Variants in WIZ observed in about 807,000 individuals in gnomAD.
WIZ encodes protein Wiz.
A neutral mutation model predicts 140.2 loss-of-function variants in WIZ; 25 were observed. That is an observed-to-expected ratio of 0.18 (90% confidence interval 0.13 to 0.25). The LOEUF (loss-of-function observed/expected upper bound fraction) is 0.25. WIZ is among the 10% of genes least tolerant of loss of function. The pLI is 1.00. For missense variants in WIZ, 2,231 were observed against 2,632.6 expected, an observed-to-expected ratio of 0.85 and a Z score of 3.34; for synonymous variants, 1,125 against 1,154.3, an observed-to-expected ratio of 0.97 and a Z score of 0.51.
Position 15,424,212 on chromosome 19 carries a change from G to A in WIZ, c.5481C>T (p.Phe1827=), listed in dbSNP as rs747864855. 13 of 1,565,708 alleles carry A rather than the reference G, an allele frequency of 8.3e-6. No homozygotes were observed. In the Admixed American group the frequency reaches 1.4e-4, roughly 16 times the overall value. Residue 1827 remains phenylalanine (F), a synonymous_variant, in exon 12 of 13, where the codon TTC becomes TTT. Transcript: ENST00000673675. The surrounding 1 kb of genome is among the most constrained non-coding windows in gnomAD (Gnocchi z 9.7). ...PRPPQTSLVK[F]VGNIYTLKCR... is the part of the protein sequence containing the mutation. ...ATTTGAGGGTGTAGATGTTGCCCAC[G>A]AACTTGACAAGTGATGTCTGGGGGG...
At chr19:15,441,686 T>C (rs1456996583) in intron 3 of WIZ, among the ~76,000 whole-genome samples, 1 of 152,200 alleles carries the variant, frequency 6.6e-6, no homozygotes, top group African/African-American at 2.4e-5. Context: ...TGTGGAAATG[T>C]TCCATTCAGA....
chr19:15,448,613 G>T (rs1269590468), intron 1 of WIZ, among the ~76,000 whole-genome samples: 1 of 151,916 alleles, frequency 6.6e-6, no homozygotes, highest in African/African-American at 2.4e-5. Flanking sequence ...CACTGCCTCA[G>T]TTTACCCATA....
At chr19:15,430,773 A>G (rs1224133276) in intron 6 of WIZ, among the ~76,000 whole-genome samples, 1 of 152,118 alleles carries the variant, frequency 6.6e-6, no homozygotes, top group Non-Finnish European at 1.5e-5. Context: ...GGACCACCAC[A>G]CCCACTGCTT....
At chr19:15,426,295 G>A (rs1403995681) in intron 9 of WIZ, among the ~76,000 whole-genome samples, 1 of 152,144 alleles carries the variant, frequency 6.6e-6, no homozygotes. Flanking sequence ...AGCCTGGGCT[G>A]CCCTCACCTG....
chr19:15,430,681 C>G (rs113889400), intron 6 of WIZ, among the ~76,000 whole-genome samples: 282 of 152,304 alleles, frequency 1.9e-3, no homozygotes, highest in African/African-American at 6.6e-3. Flanking sequence ...GATCAACAGA[C>G]GAAGAAATGG....
In WIZ at chr19:15,431,095, A is replaced by C. The variant is rs967458117; in HGVS notation, c.2828T>G (p.Leu943Arg). 3.3e-5 allele frequency: 50 copies of C among 1,535,808 alleles called. No individual in the cohort carries two copies. Among genetic ancestry groups the C allele is most frequent in the Non-Finnish European group, 4.2e-5 (48 of 1,146,828 alleles). The change falls in exon 6 of 13, where the codon CTG becomes CGG. Residue 943 changes from leucine to arginine, a missense_variant. Around this residue, in one of 15 missense-constraint regions of WIZ, gnomAD observed 137 missense variants for 135.8 expected, o/e 1.01. Coordinates refer to ENST00000673675, the MANE Select transcript of WIZ (RefSeq NM_001371589.1). ...PKKSLPVPGA[L>R]EQVASRLSSK... ...GCTCAGCCGACTGGCCACCTGCTCC[A>C]GGGCCCCAGGGACAGGCAGGCTCTT...
At position 15,424,758 on chromosome 19, in the gene WIZ, G is replaced by A. The variant is rs763850273; in HGVS notation, c.5169C>T (p.Pro1723=). The A allele has an allele frequency of 5.1e-6, 8 of 1,573,642 alleles. No homozygotes were observed. The highest frequency in any genetic ancestry group is 1.9e-4 in the Middle Eastern group (1 of 5,352). ...TGCGGCCGACCACGGCCAGGCCCCC[G>A]GGTGCCAGCCCCAGGGACGGCCGCT... ...SDKRPSLGLA[P]GGLAVVGRSA... is the part of the protein sequence containing the mutation. The change falls in exon 11 of 13, where the codon CCC becomes CCT. Residue 1723 remains proline (P), a synonymous_variant. Transcript: ENST00000673675. The surrounding 1 kb of genome is among the most constrained non-coding windows in gnomAD (Gnocchi z 9.7).
chr19:15,430,429 A>G (rs1885945418), intron 6 of WIZ, among the ~76,000 whole-genome samples: 1 of 152,168 alleles, frequency 6.6e-6, no homozygotes, highest in Admixed American at 6.5e-5. Flanking sequence ...CTGACCTGAC[A>G]GCCACATGCC....
In WIZ at chr19:15,425,286, G is replaced by T. The variant is rs1223831735; in HGVS notation, c.4849C>A (p.Leu1617Met). ...TGAAGGGTCTTTGCCTTGAAGGGCA[G>T]TTCAGTCTGGATGTAGGTCTTGGCC... Reference protein sequence around the residue: ...VKAKTYIQTELPFKAKTLHEK... With the variant: ...VKAKTYIQTEMPFKAKTLHEK... Residue 1617 changes from leucine to methionine, a missense_variant, in exon 10 of 13, where the codon CTG becomes ATG. Physicochemically the swap from Leu to Met is conservative, Grantham distance 15. Coordinates refer to ENST00000673675, the MANE Select transcript of WIZ (RefSeq NM_001371589.1). 6.3e-7 allele frequency: 1 copy of T among 1,592,042 alleles called. No individual in the cohort carries two copies. The highest frequency in any genetic ancestry group is 2.3e-5 in the East Asian group (1 of 43,828).
Position 15,425,504 on chromosome 19 carries a change from G to A in WIZ, c.4631C>T (p.Pro1544Leu). 1 of 1,610,434 alleles carries A rather than the reference G, an allele frequency of 6.2e-7. No homozygotes were observed. Among genetic ancestry groups the A allele is most frequent in the Middle Eastern group, 1.7e-4 (1 of 5,986 alleles). Residue 1544 changes from proline (P) to leucine (L), a missense_variant, in exon 10 of 13, where the codon CCC becomes CTC. Around this residue, in one of 15 missense-constraint regions of WIZ, gnomAD observed 393 missense variants for 451.7 expected, o/e 0.87. Coordinates refer to ENST00000673675, the MANE Select transcript of WIZ (RefSeq NM_001371589.1). ...EDGPPTVAPG[P>L]VQSPLPLSPL... is the part of the protein sequence containing the mutation. ...CGACAGCGGCAGTGGGGACTGCACG[G>A]GCCCAGGGGCCACGGTGGGAGGCCC...
rs1352349481 is a variant in WIZ, at chr19:15,424,291, T to A, written c.5402A>T (p.Glu1801Val). The stretch of plus-strand genomic sequence containing the variant: ...GACTCGGGGTGGGGGTTGCCGCACC[T>A]CCTCCAGCTTCTGCTGTAGGTCATT... ...DTNDLQQKLE[E>V]VRQPPPRVRP... Residue 1801 changes from glutamate (E) to valine (V), a missense_variant, in exon 12 of 13, where the codon GAG becomes GTG. Glu to Val is a moderately radical substitution (Grantham distance 121, BLOSUM62 -2). Around this residue, in one of 15 missense-constraint regions of WIZ, gnomAD observed 299 missense variants for 309.6 expected, o/e 0.97. Coordinates refer to ENST00000673675, the MANE Select transcript of WIZ (RefSeq NM_001371589.1). This position sits in a 1 kb window ranked among gnomAD's most constrained non-coding sequence, Gnocchi z 9.7. 2.5e-6 allele frequency: 4 copies of A among 1,594,434 alleles called. No individual in the cohort carries two copies. The Admixed American group carries it at 7.2e-5, about 29-fold the overall frequency.
At position 15,439,613 on chromosome 19, in the gene WIZ, C is replaced by G. The variant is rs536849638; in HGVS notation, c.1381G>C (p.Val461Leu). The G allele has an allele frequency of 1.4e-6, 2 of 1,479,510 alleles. No homozygotes were observed. Among genetic ancestry groups the G allele is most frequent in the Non-Finnish European group, 1.8e-6 (2 of 1,118,268 alleles). 91.6% of individuals were successfully genotyped at this position (1,479,510 alleles called of 1,614,324 possible). A position where few individuals can be genotyped will look rare whatever the true frequency, so the allele number is the denominator to read the frequency against. Residue 461 changes from valine to leucine, a missense_variant, in exon 4 of 13, where the codon GTT (valine) becomes CTT (leucine). Physicochemically the swap from Val to Leu is conservative, Grantham distance 32. This residue lies in a region of WIZ where 475 missense variants were observed against 520.2 expected (regional missense o/e 0.91). Coordinates refer to ENST00000673675, the MANE Select transcript of WIZ (RefSeq NM_001371589.1). This position sits in a 1 kb window ranked among gnomAD's most constrained non-coding sequence, Gnocchi z 7.0. ...CAGAAGACACAGGCGCTGAGGCCAA[C>G]GGCAGCTCCGTAGGGCTGATAGAGG... ...ALLYQPYGAA[V>L]GLSACVFCGF...
chr19:15,425,238 T>A lies in WIZ; in HGVS notation c.4894+3A>T. 1 of 1,574,180 alleles carries A rather than the reference T, an allele frequency of 6.4e-7. No individual in the cohort carries two copies. The highest frequency in any genetic ancestry group is 8.6e-7 in the Non-Finnish European group (1 of 1,161,008). ...TCCCAGGACCCTGCCGCCCGCTGCT[T>A]ACAGGAGTGGGAGGTCTTCTCATGA... On this transcript the variant is annotated splice_donor_region_variant and intron_variant, in intron 10 of 12. Transcript: ENST00000673675.
rs1843970395 is a variant in WIZ, at chr19:15,439,649, C to T, written c.1345G>A (p.Ala449Thr). The T allele has an allele frequency of 6.7e-7, 1 of 1,497,846 alleles. No individual in the cohort carries two copies. The highest frequency in any genetic ancestry group is 8.9e-7 in the Non-Finnish European group (1 of 1,129,654). 92.8% of individuals were successfully genotyped at this position (1,497,846 alleles called of 1,614,324 possible). ...SSGAGSPSPE[A>T]SALLYQPYGA... ...TAGGGCTGATAGAGGAGGGCGCTGG[C>T]CTCAGGGCTGGGGCTGCCAGCCCCG... The change falls in exon 4 of 13, where the codon GCC (alanine) becomes ACC (threonine). Residue 449 changes from alanine (A) to threonine (T), a missense_variant. Ala to Thr is a moderately conservative substitution (Grantham distance 58). Around this residue, in one of 15 missense-constraint regions of WIZ, gnomAD observed 475 missense variants for 520.2 expected, o/e 0.91. Coordinates refer to ENST00000673675, the MANE Select transcript of WIZ (RefSeq NM_001371589.1). The surrounding 1 kb of genome is among the most constrained non-coding windows in gnomAD (Gnocchi z 7.0).
chr19:15,430,980 G>A, intron 6 of WIZ, 32 bp downstream of exon 6: 1 of 1,495,926 alleles, frequency 6.7e-7, no homozygotes, highest in South Asian at 1.3e-5. Context: ...AGCCTGGCCA[G>A]CATCCCCTGC....
chr19:15,430,184 T>C (rs1969140521), intron 6 of WIZ, 95 bp from the exon 7 acceptor site: 2 of 1,424,956 alleles, frequency 1.4e-6, no homozygotes, highest in East Asian at 5.1e-5. Context: ...TCACCCAGGC[T>C]CCATGGAAGT....
At position 15,440,700 on chromosome 19, in the gene WIZ, G is replaced by A. The variant is rs1486483839; in HGVS notation, c.294C>T (p.Gly98=). Residue 98 remains glycine (G), a synonymous_variant, in exon 4 of 13, where the codon GGC becomes GGT. Coordinates refer to ENST00000673675, the MANE Select transcript of WIZ (RefSeq NM_001371589.1). The surrounding 1 kb of genome is among the most constrained non-coding windows in gnomAD (Gnocchi z 6.2). ...HRISSCCWDG[G]SLDFRPGSPP... ...GGGAGCCCGGCCGGAAGTCCAGGCTGCCTCCATCCCAGCAGCTGCAAGGAA... is the reference window on the plus strand; with the variant it reads ...GGGAGCCCGGCCGGAAGTCCAGGCTACCTCCATCCCAGCAGCTGCAAGGAA... 1.3e-6 allele frequency: 2 copies of A among 1,498,286 alleles called. No homozygotes were observed. The highest frequency in any genetic ancestry group is 1.4e-5 in the African/African-American group (1 of 71,964). The allele number at this position is 1,498,286 out of a possible 1,614,324, so 92.8% of individuals were successfully genotyped here.
chr19:15,438,920 G>A lies in WIZ; in HGVS notation c.2074C>T (p.Pro692Ser). 1 of 1,445,728 alleles carries A rather than the reference G, an allele frequency of 6.9e-7. No homozygotes were observed. Among genetic ancestry groups the A allele is most frequent in the Non-Finnish European group, 9.1e-7 (1 of 1,100,892 alleles). The allele number at this position is 1,445,728 out of a possible 1,614,324, so 89.6% of individuals were successfully genotyped here. A position where few individuals can be genotyped will look rare whatever the true frequency, so the allele number is the denominator to read the frequency against. The change falls in exon 4 of 13, where the codon CCG becomes TCG. Residue 692 changes from proline (P) to serine (S), a missense_variant. By Grantham distance (74) the Pro-to-Ser change is moderately conservative. This residue lies in a region of WIZ where 475 missense variants were observed against 520.2 expected (regional missense o/e 0.91). Coordinates refer to ENST00000673675, the MANE Select transcript of WIZ (RefSeq NM_001371589.1). ...VPIVLVAKLG[P>S]QVMAAARVPP... ...ACCCTGGCTGCCGCCATGACCTGCG[G>A]CCCCAGCTTCGCCACGAGCACAATG...
Position 15,421,474 on chromosome 19 carries a change from C to A in WIZ, c.*1602G>T, listed in dbSNP as rs1355536768. ...TCGTTCCCACTCTCCAGCACTTGAC[C>A]GTTTAGTAAAAACGATGAGCTGAAA... On this transcript the variant is annotated 3_prime_UTR_variant, in exon 13 of 13. Coordinates refer to ENST00000673675, the MANE Select transcript of WIZ (RefSeq NM_001371589.1). 6.6e-6 allele frequency: 1 copy of A among 152,284 alleles called. No homozygotes were observed. The highest frequency in any genetic ancestry group is 2.4e-5 in the African/African-American group (1 of 41,442). 9.4% of individuals were successfully genotyped at this position (152,284 alleles called of 1,614,324 possible). A position where few individuals can be genotyped will look rare whatever the true frequency, so the allele number is the denominator to read the frequency against.
Sources: allele counts gnomAD v4.1 joint callset (sites outside exome capture counted in the v4.1 genomes callset), GRCh38; gene constraint gnomAD v4.1.1; regional missense constraint gnomAD v4.1.1; non-coding constraint Gnocchi (gnomAD v3.1); transcripts MANE v1.5; gene names NCBI Gene and HGNC (gene_info 2026-07-23, HGNC 2026-07-21).